Variants in HLCS observed in about 807,000 individuals in gnomAD.
The protein encoded by HLCS is biotin--protein ligase.
HLCS carries 53 observed loss-of-function variants against 75.0 expected under a neutral mutation model. That is an observed-to-expected ratio of 0.71 (90% confidence interval 0.57 to 0.89). The LOEUF (loss-of-function observed/expected upper bound fraction) is 0.89. Ranked by LOEUF, HLCS falls within the 40% of genes least tolerant of loss-of-function variation. The pLI is 0.00. For synonymous variants in HLCS, 431 were observed against 428.6 expected (o/e 1.01, Z -0.07); for missense variants, 966 against 1,074.0 (o/e 0.90, Z 1.41).
At chr21:36,783,880 A>G (rs1431737100) in intron 6 of HLCS, among the ~76,000 whole-genome samples, 2 of 152,242 alleles carry the variant, frequency 1.3e-5, no homozygotes, top group East Asian at 3.9e-4. Context: ...TGCCACCTCA[A>G]TATGGCAGGC....
At chr21:36,956,494 C>T (rs138243068) in intron 2 of HLCS, among the ~76,000 whole-genome samples, 2 of 151,886 alleles carry the variant, frequency 1.3e-5, no homozygotes, top group Non-Finnish European at 2.9e-5. Context: ...TTTGGGAGGC[C>T]GAGGTGGGCA....
At chr21:36,863,439 T>C (rs898071169) in intron 6 of HLCS, among the ~76,000 whole-genome samples, 3 of 152,078 alleles carry the variant, frequency 2.0e-5, no homozygotes, top group Non-Finnish European at 4.4e-5. Flanking sequence ...AGCAGGTGTT[T>C]AGTGAAACTA....
intron 6 of HLCS, among the ~76,000 whole-genome samples, chr21:36,876,108 G>A (rs2063964905): frequency 6.6e-6 from 1 of 152,086 alleles, no homozygotes; most frequent in Admixed American, 6.5e-5. Context: ...TGTGCACAGT[G>A]GCCAGACCCC....
Position 36,777,384 on chromosome 21 carries a change from C to T in HLCS, c.1893-10099G>A, listed in dbSNP as rs143683628. Among the ~76,000 whole-genome samples the T allele has an allele frequency of 2.1e-4, 32 of 152,356 alleles. No individual in the cohort carries two copies. The East Asian group carries it at 6.0e-3, about 28-fold the overall frequency. ...ACCCTTTAAAATGTAAAAAAACATGCTTAGCTCTCATGCGGCACGAAAACT... is the reference window on the plus strand; with the variant it reads ...ACCCTTTAAAATGTAAAAAAACATGTTTAGCTCTCATGCGGCACGAAAACT... On this transcript the variant is annotated intron_variant, in intron 6 of 10. Coordinates refer to ENST00000674895, the MANE Select transcript of HLCS (RefSeq NM_001352514.2).
At chr21:36,757,055 G>A (rs2089631550) in intron 9 of HLCS, 2 of 587,060 alleles carry the variant, frequency 3.4e-6, no homozygotes, top group South Asian at 7.5e-5. Context: ...TTAAATATGG[G>A]ACAAAACGTA....
chr21:36,788,377 C>T (rs1394684661), intron 6 of HLCS, among the ~76,000 whole-genome samples: 3 of 152,188 alleles, frequency 2.0e-5, no homozygotes, highest in East Asian at 1.9e-4. Flanking sequence ...GCTTCTCCAT[C>T]GGAACTTAGG....
intron 6 of HLCS, among the ~76,000 whole-genome samples, chr21:36,777,421 A>ACC (rs1003196774): frequency 1.3e-5 from 2 of 152,286 alleles, no homozygotes; most frequent in African/African-American, 4.8e-5. Flanking sequence ...GCAGCAGGCC[A>ACC]GACTCGGCCC....
intron 6 of HLCS, among the ~76,000 whole-genome samples, chr21:36,868,902 C>T (rs1187015631): frequency 1.3e-5 from 2 of 152,066 alleles, no homozygotes; most frequent in Non-Finnish European, 2.9e-5. Context: ...AAGGCTCTGT[C>T]CCCTGCCAGC....
chr21:36,968,220 C>T (rs1200125026), upstream of HLCS, among the ~76,000 whole-genome samples: 1 of 152,030 alleles, frequency 6.6e-6, no homozygotes, highest in Non-Finnish European at 1.5e-5. Flanking sequence ...AACTCCTGGT[C>T]TCGAGCAGTC....
rs566822182 is a variant in HLCS at position 36,904,864 on chromosome 21, T to C, written c.1621-7733A>G. Among the ~76,000 whole-genome samples, 17 of 152,228 alleles carry C rather than the reference T, an allele frequency of 1.1e-4. No homozygotes were observed. In the South Asian group the frequency reaches 3.5e-3, roughly 32 times the overall value. On this transcript the variant is annotated intron_variant, in intron 5 of 10. Transcript: ENST00000674895. ...CTTGCCTAAACTCTCCTAATGACCATGCAATGTAAAAATGTTACTGAAGAA... is the reference window on the plus strand; with the variant it reads ...CTTGCCTAAACTCTCCTAATGACCACGCAATGTAAAAATGTTACTGAAGAA...
chr21:36,947,126 C>G (rs1335307215), intron 2 of HLCS, among the ~76,000 whole-genome samples: 1 of 152,150 alleles, frequency 6.6e-6, no homozygotes, highest in Non-Finnish European at 1.5e-5. Context: ...AGACTCAACC[C>G]GGAATTTAGC....
chr21:36,876,565 G>A (rs946796929), intron 6 of HLCS, among the ~76,000 whole-genome samples: 6 of 152,142 alleles, frequency 3.9e-5, no homozygotes, highest in African/African-American at 1.4e-4. Context: ...GGGTTTCCTA[G>A]ATCCATTTTT....
chr21:36,896,243 G>T (rs769364926), intron 6 of HLCS, among the ~76,000 whole-genome samples: 1 of 152,180 alleles, frequency 6.6e-6, no homozygotes, highest in Non-Finnish European at 1.5e-5. Flanking sequence ...CCAGCTACTT[G>T]GGAGGCTGAG....
At chr21:36,764,597 C>T (rs1255561619) in intron 8 of HLCS, among the ~76,000 whole-genome samples, 1 of 151,620 alleles carries the variant, frequency 6.6e-6, no homozygotes, top group Non-Finnish European at 1.5e-5. Flanking sequence ...CCCAGCTACT[C>T]GGGAGGCTGA....
intron 6 of HLCS, among the ~76,000 whole-genome samples, chr21:36,888,469 TATATATATATATATATATATA>T (rs2064612133): frequency 4.9e-5 from 5 of 101,190 alleles, no homozygotes; most frequent in African/African-American, 1.6e-4. Flanking sequence ...TATATATATA[TATATATATATATATATATATA>T]TATATATTTA....
At chr21:36,931,642 G>C (rs2066646791) in intron 4 of HLCS, among the ~76,000 whole-genome samples, 1 of 152,006 alleles carries the variant, frequency 6.6e-6, no homozygotes, top group Non-Finnish European at 1.5e-5. Flanking sequence ...CCAACTACTT[G>C]GGAGGCTGAG....
intron 1 of HLCS, among the ~76,000 whole-genome samples, chr21:36,962,554 A>C (rs2068357470): frequency 6.6e-6 from 1 of 151,992 alleles, no homozygotes; most frequent in Admixed American, 6.6e-5. Context: ...TTGGGAGGCC[A>C]AGGTGGGCAG....
chr21:36,788,538 GTTT>G (rs2060765001), intron 6 of HLCS, among the ~76,000 whole-genome samples: 1 of 152,170 alleles, frequency 6.6e-6, no homozygotes, highest in Non-Finnish European at 1.5e-5. Flanking sequence ...TTCTCATAAC[GTTT>G]TTTATGATAA....
intron 5 of HLCS, among the ~76,000 whole-genome samples, chr21:36,907,504 A>C (rs1430785691): frequency 6.6e-6 from 1 of 152,124 alleles, no homozygotes; most frequent in Non-Finnish European, 1.5e-5. Context: ...AAAAATACAA[A>C]AATTAGCCAG....
Sources: gnomAD v4.1 joint callset for allele counts (sites outside exome capture counted in the v4.1 genomes callset) on GRCh38, gnomAD v4.1.1 for gene constraint, MANE v1.5 for transcripts, NCBI Gene and HGNC (gene_info 2026-07-23, HGNC 2026-07-21) for gene names.